The following DNAJC12 variants were observed in gnomAD, a reference collection of about 807,000 sequenced individuals.
DNAJC12 encodes DnaJ heat shock protein family (Hsp40) member C12.
A neutral mutation model predicts 28.5 loss-of-function variants in DNAJC12; 25 were observed. The observed-to-expected ratio is 0.88, with a 90% CI of 0.64 to 1.22. The LOEUF is 1.22. Among genes scored for constraint, DNAJC12 ranks in the 50% most tolerant of loss-of-function variants. The probability of loss-of-function intolerance (pLI) is 0.00; values close to 1 mark genes in which losing one functional copy is unlikely to be tolerated. For missense variants in DNAJC12, 222 were observed against 231.7 expected (o/e 0.96, Z 0.27); for synonymous variants, 77 against 80.6 (o/e 0.95, Z 0.24).
chr10:67,797,636 C>G (rs1841688163), intron 4 of DNAJC12, among the ~76,000 whole-genome samples: 3 of 152,002 alleles, frequency 2.0e-5, no homozygotes, highest in Non-Finnish European at 4.4e-5. Flanking sequence ...TAATAAACAA[C>G]ATTGTTGAAA....
chr10:67,809,835 A>C (rs1167242370), intron 3 of DNAJC12, among the ~76,000 whole-genome samples: 1 of 152,110 alleles, frequency 6.6e-6, no homozygotes, highest in Non-Finnish European at 1.5e-5. Flanking sequence ...GACTTTGGAG[A>C]CTCAAAGTGG....
chr10:67,812,284 G>A (rs1205855695), intron 2 of DNAJC12, among the ~76,000 whole-genome samples: 1 of 152,120 alleles, frequency 6.6e-6, no homozygotes. Context: ...TGAGGGATGG[G>A]GCTGTAGAGT....
intron 4 of DNAJC12, among the ~76,000 whole-genome samples, chr10:67,798,884 G>A (rs1317392849): frequency 6.6e-6 from 1 of 150,606 alleles, no homozygotes; most frequent in African/African-American, 2.4e-5. Context: ...TCCTGCCTCA[G>A]CCTCCCGAGT....
chr10:67,801,836 CTTTTTTTT>C lies in DNAJC12; in HGVS notation c.502+3739_502+3746del, dbSNP rs577511924. ...TGATTCCCATCCCCTCCACTTCATT[CTTTTTTTT>C]TTTTTTTTTTTTTTTTTTTTTTTTT... is the stretch of plus-strand genomic sequence containing the variant. On this transcript the variant is annotated intron_variant, in intron 4 of 4. Transcript: ENST00000225171. Among the ~76,000 whole-genome samples, 10 of 26,124 alleles carry C rather than the reference CTTTTTTTT, an allele frequency of 3.8e-4. No homozygotes were observed. The South Asian group carries it at 0.011, about 30-fold the overall frequency. 17.1% of individuals were successfully genotyped at this position (26,124 alleles called of 152,430 possible). A position where few individuals can be genotyped will look rare whatever the true frequency, so the allele number is the denominator to read the frequency against.
chr10:67,798,417 C>A (rs1443159629), intron 4 of DNAJC12, among the ~76,000 whole-genome samples: 1 of 152,060 alleles, frequency 6.6e-6, no homozygotes, highest in Admixed American at 6.6e-5. Flanking sequence ...TGGTGGCTCA[C>A]GCTTGTAATC....
intron 2 of DNAJC12, 99 bp downstream of exon 2, chr10:67,823,215 T>G (rs759790059): frequency 3.1e-6 from 3 of 964,300 alleles, no homozygotes; most frequent in Non-Finnish European, 4.9e-6. Context: ...TTGAGCATAA[T>G]AGACAAGAGA....
Position 67,805,600 on chromosome 10 carries a change from T to C in DNAJC12, c.485A>G (p.Gln162Arg). Reference protein sequence around the residue: ...PKPLEKSVSPQNSDSSGFADV... With the variant: ...PKPLEKSVSPRNSDSSGFADV... Reference sequence around the variant, plus strand: ...TGACTTACCTGAAGAATCTGAATTTTGCGGGGAGACTGACTTCTCTAGGGG... The same window carrying C: ...TGACTTACCTGAAGAATCTGAATTTCGCGGGGAGACTGACTTCTCTAGGGG... The change falls in exon 4 of 5, where the codon CAA becomes CGA. Residue 162 changes from glutamine (Q) to arginine (R), a missense_variant. Coordinates refer to ENST00000225171, the MANE Select transcript of DNAJC12 (RefSeq NM_021800.3). The C allele has an allele frequency of 6.2e-7, 1 of 1,608,660 alleles. No homozygotes were observed. The highest frequency in any genetic ancestry group is 8.5e-7 in the Non-Finnish European group (1 of 1,178,500).
At chr10:67,797,852 A>G (rs1034380292) in intron 4 of DNAJC12, among the ~76,000 whole-genome samples, 8 of 152,072 alleles carry the variant, frequency 5.3e-5, no homozygotes, top group East Asian at 1.9e-4. Flanking sequence ...CATCCTGGCT[A>G]ACACGGTGAA....
At chr10:67,819,769 A>G (rs1269667064) in intron 2 of DNAJC12, among the ~76,000 whole-genome samples, 8 of 25,152 alleles carry the variant, frequency 3.2e-4, no homozygotes, top group African/African-American at 1.2e-3. Context: ...GAAGGAAGGA[A>G]GGAAGGAAGG....
At chr10:67,802,352 A>G (rs1005293154) in intron 4 of DNAJC12, among the ~76,000 whole-genome samples, 13 of 152,332 alleles carry the variant, frequency 8.5e-5, no homozygotes, top group Admixed American at 7.2e-4. Flanking sequence ...ACAAATGCCT[A>G]CCCAAGAATT....
chr10:67,798,040 A>AG (rs1491514627), intron 4 of DNAJC12, among the ~76,000 whole-genome samples: 1 of 124,252 alleles, frequency 8.0e-6, no homozygotes. Flanking sequence ...ATTCTGTCTC[A>AG]GAAAAAAAAA....
rs563135082 is a variant in DNAJC12 at position 67,834,840 on chromosome 10, A to C, written c.78+3094T>G. On this transcript the variant is annotated intron_variant, in intron 1 of 4. Transcript: ENST00000225171. ...CATCTCAAAGAAACAAAAATTTAAAAAAAAAATCCAATATAGGGAGAAAGG... is the reference window on the plus strand; with the variant it reads ...CATCTCAAAGAAACAAAAATTTAAACAAAAAATCCAATATAGGGAGAAAGG... Among the ~76,000 whole-genome samples, 31 of 152,290 alleles carry C rather than the reference A, an allele frequency of 2.0e-4. No individual in the cohort carries two copies. In the South Asian group the frequency reaches 6.4e-3, roughly 32 times the overall value.
Position 67,819,779 on chromosome 10 carries a change from G to GGGAA in DNAJC12, c.157+3531_157+3534dup, listed in dbSNP as rs144881348. Reference sequence around the variant, plus strand: ...GGAAGGAAGGAAGGAAGGAAGGAAGGGGAAGGAAGGAAGGAAGGAAGGAAG... The same window carrying GGGAA: ...GGAAGGAAGGAAGGAAGGAAGGAAGGGGAAGGAAGGAAGGAAGGAAGGAAGGAAG... On this transcript the variant is annotated intron_variant, in intron 2 of 4. Transcript: ENST00000225171. 8.5e-3 allele frequency among the ~76,000 whole-genome samples: 114 copies of GGGAA among 13,362 alleles called. 11 individuals carry two copies. The highest frequency in any genetic ancestry group is 0.029 in the East Asian group (16 of 554). The allele number at this position is 13,362 out of a possible 152,430, so 8.8% of individuals were successfully genotyped here. A position where few individuals can be genotyped will look rare whatever the true frequency, so the allele number is the denominator to read the frequency against.
chr10:67,828,602 A>C (rs555048683), intron 1 of DNAJC12, among the ~76,000 whole-genome samples: 1 of 152,258 alleles, frequency 6.6e-6, no homozygotes, highest in East Asian at 1.9e-4. Context: ...TATATAACAA[A>C]TAAAACTGAG....
intron 4 of DNAJC12, among the ~76,000 whole-genome samples, chr10:67,799,878 CAA>C (rs56055620): frequency 7.8e-6 from 1 of 128,340 alleles, no homozygotes; most frequent in Non-Finnish European, 1.6e-5. Flanking sequence ...GCGAGACTGT[CAA>C]AAAAAAAAAA....
Position 67,823,399 on chromosome 10 carries a change from C to CA in DNAJC12, c.79-8dup, listed in dbSNP as rs776469372. On this transcript the variant is annotated splice_region_variant and splice_polypyrimidine_tract_variant and intron_variant, in intron 1 of 4. Transcript: ENST00000225171. ...CTGCCAGGATTTGTTCAACCTGAAACAAAAATCAGTGTTTAAAATAAAGAG... is the reference window on the plus strand; with the variant it reads ...CTGCCAGGATTTGTTCAACCTGAAACAAAAAATCAGTGTTTAAAATAAAGAG... 1.2e-4 allele frequency: 186 copies of CA among 1,613,176 alleles called. No individual in the cohort carries two copies. The highest frequency in any genetic ancestry group is 1.5e-4 in the Non-Finnish European group (176 of 1,179,572).
chr10:67,836,441 G>GC (rs1487203998), intron 1 of DNAJC12, among the ~76,000 whole-genome samples: 1 of 150,868 alleles, frequency 6.6e-6, no homozygotes, highest in Non-Finnish European at 1.5e-5. Context: ...GTATAAGCTA[G>GC]CATGTATTTT....
At chr10:67,808,714 G>C (rs1841828899) in intron 3 of DNAJC12, 1 of 152,148 alleles carries the variant, frequency 6.6e-6, no homozygotes, top group Non-Finnish European at 1.5e-5. Flanking sequence ...ATGAGCCATA[G>C]ATCAGCTGAA....
chr10:67,832,330 T>C (rs1842102937), intron 1 of DNAJC12, among the ~76,000 whole-genome samples: 2 of 151,552 alleles, frequency 1.3e-5, no homozygotes, highest in African/African-American at 4.8e-5. Flanking sequence ...AATTGATATA[T>C]ATTATTTTAA....
Sources: allele counts gnomAD v4.1 joint callset (sites outside exome capture counted in the v4.1 genomes callset), GRCh38; gene constraint gnomAD v4.1.1; transcripts MANE v1.5; gene names NCBI Gene and HGNC (gene_info 2026-07-23, HGNC 2026-07-21).